IQCJ: variants seen among roughly 807,000 people sequenced by gnomAD.
IQCJ encodes the protein IQ domain-containing protein J.
In IQCJ, 9 loss-of-function variants were observed where a neutral mutation model predicts 11.0. The observed-to-expected ratio is 0.82, with a 90% CI of 0.49 to 1.43. IQCJ has a LOEUF of 1.43. Among genes scored for constraint, IQCJ ranks in the 40% most tolerant of loss-of-function variants. The pLI, the probability that IQCJ is intolerant of heterozygous loss-of-function variation, is 0.00. For missense variants in IQCJ, 146 were observed against 133.2 expected, an observed-to-expected ratio of 1.10 and a Z score of -0.47; for synonymous variants, 55 against 51.3, an observed-to-expected ratio of 1.07 and a Z score of -0.31.
At chr3:159,133,217 C>A (rs180876050) in intron 1 of IQCJ, among the ~76,000 whole-genome samples, 7 of 152,246 alleles carry the variant, frequency 4.6e-5, no homozygotes, top group African/African-American at 1.4e-4. Flanking sequence ...CAGATTAAGA[C>A]CTGAATAAGA....
At chr3:159,103,614 T>A (rs561764967) in intron 1 of IQCJ, among the ~76,000 whole-genome samples, 1 of 152,360 alleles carries the variant, frequency 6.6e-6, no homozygotes, top group Non-Finnish European at 1.5e-5. Context: ...TTTTGTATTT[T>A]CCTTTTCTGG....
chr3:159,173,826 T>C (rs1722630163), intron 1 of IQCJ, among the ~76,000 whole-genome samples: 1 of 152,150 alleles, frequency 6.6e-6, no homozygotes, highest in Non-Finnish European at 1.5e-5. Flanking sequence ...CATTTTATCT[T>C]TTTGTTCTTG....
intron 1 of IQCJ, among the ~76,000 whole-genome samples, chr3:159,131,064 A>G (rs902333068): frequency 6.6e-6 from 1 of 152,186 alleles, no homozygotes; most frequent in African/African-American, 2.4e-5. Context: ...GAATTGGTAA[A>G]CAGCAAAGAG....
At chr3:159,253,078 G>A (rs1270366561) in intron 3 of IQCJ, among the ~76,000 whole-genome samples, 2 of 152,032 alleles carry the variant, frequency 1.3e-5, no homozygotes, top group Admixed American at 6.6e-5. Context: ...ACTTCCACTA[G>A]CATTTTCCTT....
intron 1 of IQCJ, among the ~76,000 whole-genome samples, chr3:159,212,959 T>C (rs1032915129): frequency 2.6e-5 from 4 of 152,196 alleles, no homozygotes; most frequent in South Asian, 2.1e-4. Context: ...TTTTCTTTTC[T>C]TTCTTTCTTT....
At chr3:159,087,579 A>G (rs1367710962) in intron 1 of IQCJ, among the ~76,000 whole-genome samples, 1 of 150,676 alleles carries the variant, frequency 6.6e-6, no homozygotes, top group African/African-American at 2.4e-5. Context: ...GCTATTGATT[A>G]TTGCCACAAT....
chr3:159,072,929 G>A lies in IQCJ; in HGVS notation c.9+3488G>A, dbSNP rs147636490. 2.6e-5 allele frequency among the ~76,000 whole-genome samples: 4 copies of A among 152,258 alleles called. No homozygotes were observed. In the East Asian group the frequency reaches 7.7e-4, roughly 29 times the overall value. Reference sequence around the variant, plus strand: ...CTAGTTCCAGGTCCAGACTGGTATGGCTAGTTGTTCACTGGGTGTGTCATT... The same window carrying A: ...CTAGTTCCAGGTCCAGACTGGTATGACTAGTTGTTCACTGGGTGTGTCATT... On this transcript the variant is annotated intron_variant, in intron 1 of 3. Transcript: ENST00000397832.
chr3:159,245,181 CAA>C (rs1275925184), intron 1 of IQCJ, among the ~76,000 whole-genome samples: 5 of 152,030 alleles, frequency 3.3e-5, no homozygotes, highest in Admixed American at 6.5e-5. Flanking sequence ...TACTAAGAGA[CAA>C]GAGAGAAGGG....
chr3:159,150,353 G>A (rs777751564), intron 1 of IQCJ, among the ~76,000 whole-genome samples: 4 of 152,134 alleles, frequency 2.6e-5, no homozygotes, highest in Non-Finnish European at 4.4e-5. Flanking sequence ...ATCCAGGGAG[G>A]AGCAAGCTGA....
At chr3:159,140,430 G>A (rs1405689686) in intron 1 of IQCJ, among the ~76,000 whole-genome samples, 1 of 152,158 alleles carries the variant, frequency 6.6e-6, no homozygotes, top group East Asian at 1.9e-4. Context: ...GTGTGTTCAG[G>A]TCTGTGGGTC....
intron 1 of IQCJ, among the ~76,000 whole-genome samples, chr3:159,218,547 A>G (rs144442343): frequency 6.6e-6 from 1 of 152,256 alleles, no homozygotes; most frequent in Non-Finnish European, 1.5e-5. Context: ...AGAGAGGACA[A>G]GAAGTAATGT....
At chr3:159,116,719 A>G (rs189494116) in intron 1 of IQCJ, among the ~76,000 whole-genome samples, 174 of 143,496 alleles carry the variant, frequency 1.2e-3, no homozygotes, top group Non-Finnish European at 1.8e-3. Context: ...TTTATTTTGA[A>G]CATCTTGAAC....
chr3:159,120,123 A>C (rs1447699839), intron 1 of IQCJ, among the ~76,000 whole-genome samples: 1 of 152,206 alleles, frequency 6.6e-6, no homozygotes, highest in African/African-American at 2.4e-5. Context: ...GTTAAGTAGA[A>C]GTTGCGGTAT....
intron 1 of IQCJ, among the ~76,000 whole-genome samples, chr3:159,088,310 A>G (rs1284724634): frequency 1.3e-5 from 2 of 152,032 alleles, no homozygotes; most frequent in Admixed American, 6.5e-5. Flanking sequence ...CTGTTCTTTT[A>G]CATTTGCTGA....
At chr3:159,090,233 GGGGGTCA>G (rs1186666342) in intron 1 of IQCJ, among the ~76,000 whole-genome samples, 47 of 151,600 alleles carry the variant, frequency 3.1e-4, no homozygotes, top group Admixed American at 1.1e-3. Context: ...AGGCTGCTCG[GGGGGTCA>G]GGGGTCAGGG....
intron 1 of IQCJ, among the ~76,000 whole-genome samples, chr3:159,179,819 A>G (rs573316861): frequency 7.9e-5 from 12 of 152,336 alleles, no homozygotes; most frequent in African/African-American, 2.2e-4. Flanking sequence ...GTTAAATAAC[A>G]TTCAGTCAAA....
intron 1 of IQCJ, among the ~76,000 whole-genome samples, chr3:159,234,961 ATT>A (rs1300334437): frequency 6.6e-6 from 1 of 152,168 alleles, no homozygotes; most frequent in Non-Finnish European, 1.5e-5. Context: ...GGTATAAACA[ATT>A]TGGGAGTTAC....
Position 159,169,271 on chromosome 3 carries a change from CTTTCTTTCTT to C in IQCJ, c.10-76568_10-76559del, listed in dbSNP as rs1722348543. 2.8e-5 allele frequency among the ~76,000 whole-genome samples: 3 copies of C among 107,226 alleles called. No homozygotes were observed. The South Asian group carries it at 9.7e-4, about 35-fold the overall frequency. 70.3% of individuals were successfully genotyped at this position (107,226 alleles called of 152,430 possible). A position where few individuals can be genotyped will look rare whatever the true frequency, so the allele number is the denominator to read the frequency against. ...GTTCTTTTTTTTTTCCCTTTTCTTTCTTTCTTTCTTTTTTTTTTTTTTTTTTTTTTTGATG... is the reference window on the plus strand; with the variant it reads ...GTTCTTTTTTTTTTCCCTTTTCTTTCTTTTTTTTTTTTTTTTTTTTTGATG... On this transcript the variant is annotated intron_variant, in intron 1 of 3. Coordinates refer to ENST00000397832, the MANE Select transcript of IQCJ (RefSeq NM_001042706.3).
At chr3:159,234,870 C>T (rs1382231815) in intron 1 of IQCJ, among the ~76,000 whole-genome samples, 2 of 152,160 alleles carry the variant, frequency 1.3e-5, no homozygotes, top group Non-Finnish European at 2.9e-5. Flanking sequence ...GAAATGCAAA[C>T]TCACTTTCTA....
Sources: gnomAD v4.1 joint callset for allele counts (sites outside exome capture counted in the v4.1 genomes callset) on GRCh38, gnomAD v4.1.1 for gene constraint, MANE v1.5 for transcripts, NCBI Gene and HGNC (gene_info 2026-07-23, HGNC 2026-07-21) for gene names.